SYNE1: variants seen among roughly 807,000 people sequenced by gnomAD.
The protein encoded by SYNE1 is spectrin repeat containing nuclear envelope protein 1, also known as nesprin-1.
SYNE1 carries 616 observed loss-of-function variants against 1,111.0 expected under a neutral mutation model. The ratio of observed to expected loss-of-function variants is 0.55; its 90% CI spans 0.52 to 0.59. The LOEUF (loss-of-function observed/expected upper bound fraction) is 0.59. Among genes scored for constraint, SYNE1 ranks in the 20% least tolerant of loss-of-function variants. The pLI is 0.00. For missense variants in SYNE1, 10,006 were observed against 10,417.0 expected (o/e 0.96, Z 1.72); for synonymous variants, 3,855 against 3,825.8 (o/e 1.01, Z -0.28).
At chr6:152,309,704 T>G (rs2095491032) in intron 90 of SYNE1, 131 bp downstream of exon 90, 4 of 1,223,914 alleles carry the variant, frequency 3.3e-6, no homozygotes, top group Non-Finnish European at 3.5e-6. Context: ...CTCCTTATTT[T>G]ATAAAACCAC....
chr6:152,409,786 T>C (rs1328365565), intron 42 of SYNE1, 77 bp from the exon 43 acceptor site: 1 of 1,466,012 alleles, frequency 6.8e-7, no homozygotes, highest in Non-Finnish European at 9.5e-7. Context: ...TTGGACTTGA[T>C]GTTTCACTAC....
chr6:152,329,162 G>A (rs1009845832), intron 78 of SYNE1, among the ~76,000 whole-genome samples: 1 of 152,142 alleles, frequency 6.6e-6, no homozygotes, highest in African/African-American at 2.4e-5. Context: ...AATCACTGAG[G>A]CATCACTGTT....
intron 21 of SYNE1, among the ~76,000 whole-genome samples, chr6:152,461,223 T>C (rs897722866): frequency 1.3e-5 from 2 of 152,148 alleles, no homozygotes; most frequent in Non-Finnish European, 2.9e-5. Flanking sequence ...GGAGTGGAGA[T>C]ATATCAAACA....
At chr6:152,157,792 T>C (rs1344941189) in intron 131 of SYNE1, among the ~76,000 whole-genome samples, 79 of 150,668 alleles carry the variant, frequency 5.2e-4, no homozygotes, top group Non-Finnish European at 1.2e-4. Context: ...GGAGTCTCAC[T>C]CTGTCGCCCA....
chr6:152,296,742 G>C (rs748462611), intron 93 of SYNE1, among the ~76,000 whole-genome samples: 1 of 152,192 alleles, frequency 6.6e-6, no homozygotes, highest in African/African-American at 2.4e-5. Context: ...ATTCACATTC[G>C]TAGCTTGTTT....
At chr6:152,471,853 T>C in intron 15 of SYNE1, 88 bp from the exon 16 acceptor site, 2 of 1,335,098 alleles carry the variant, frequency 1.5e-6, no homozygotes, top group Non-Finnish European at 2.1e-6. Context: ...CAGCCTTAAA[T>C]AGAATGCAGC....
At chr6:152,198,774 T>C (rs55746901) in intron 127 of SYNE1, among the ~76,000 whole-genome samples, 21,751 of 152,110 alleles carry the variant, frequency 0.14, 3,179 homozygotes, top group African/African-American at 0.38. Flanking sequence ...CTGACTTCTA[T>C]GGGCACAGTG....
At chr6:152,416,049 T>A (rs896300332) in intron 41 of SYNE1, among the ~76,000 whole-genome samples, 1 of 152,146 alleles carries the variant, frequency 6.6e-6, no homozygotes, top group Non-Finnish European at 1.5e-5. Context: ...ATAAGGTTAA[T>A]CCATGTGTTG....
chr6:152,484,946 A>G lies in SYNE1; in HGVS notation c.1074T>C (p.Tyr358=), dbSNP rs1441062525. The change falls in exon 13 of 146, where the codon TAT becomes TAC. Residue 358 remains tyrosine, a synonymous_variant. Coordinates refer to ENST00000367255, the MANE Select transcript of SYNE1 (RefSeq NM_182961.4). The part of the protein sequence containing the change: ...YQSFKHFRVQ[Y]EMKRKQIEHL... ...GTTCAATCTGTTTCCTCTTCATTTC[A>G]TATTGAACTCTGAAGTGCTTAAATG... 3 of 1,612,970 alleles carry G rather than the reference A, an allele frequency of 1.9e-6. No homozygotes were observed. Among genetic ancestry groups the G allele is most frequent in the East Asian group, 4.5e-5 (2 of 44,814 alleles).
rs781378404 is a variant in SYNE1 at position 152,136,666 on chromosome 6, C to T, written c.25611G>A (p.Leu8537=). The T allele has an allele frequency of 2.5e-6, 4 of 1,614,136 alleles. No individual in the cohort carries two copies. The highest frequency in any genetic ancestry group is 3.4e-6 in the Non-Finnish European group (4 of 1,180,020). Residue 8537 remains leucine (L), a synonymous_variant, in exon 141 of 146, where the codon CTG becomes CTA. Coordinates refer to ENST00000367255, the MANE Select transcript of SYNE1 (RefSeq NM_182961.4). The stretch of plus-strand genomic sequence containing the variant: ...GCAGCAGGCCCCGCCACTCCTCCAG[C>T]AGAGAGCACACTCGGTCCCAGCGCC... The part of the protein sequence containing the change: ...MNGRWDRVCS[L]LEEWRGLLQD...
Position 152,336,946 on chromosome 6 carries a change from C to A in SYNE1, c.12423G>T (p.Glu4141Asp). 1 of 1,614,152 alleles carries A rather than the reference C, an allele frequency of 6.2e-7. No individual in the cohort carries two copies. The highest frequency in any genetic ancestry group is 8.5e-7 in the Non-Finnish European group (1 of 1,180,040). ...CAGCATCTTGCAGGTAAATCCAGAG[C>A]TCAGACTTCAGGTGCTTGATCTCTT... ...GWEEIKHLKSELWIYLQDADQ... is the reference protein window; with the variant it reads ...GWEEIKHLKSDLWIYLQDADQ... The change falls in exon 76 of 146, where the codon GAG becomes GAT. Residue 4141 changes from glutamate to aspartate, a missense_variant. Transcript: ENST00000367255.
intron 11 of SYNE1, among the ~76,000 whole-genome samples, chr6:152,498,438 G>A (rs75958509): frequency 1.3e-5 from 2 of 152,098 alleles, no homozygotes; most frequent in Non-Finnish European, 2.9e-5. Context: ...GACACCATAC[G>A]TAGTTACTGT....
rs548426997 is a variant in SYNE1 at position 152,318,007 on chromosome 6, AT to A, written c.16572+73del. 2.5e-3 allele frequency: 4,010 copies of A among 1,573,414 alleles called. 8 individuals are homozygous for A. Among genetic ancestry groups the A allele is most frequent in the Admixed American group, 3.6e-3 (218 of 59,918 alleles). On this transcript the variant is annotated intron_variant, in intron 86 of 145. Coordinates refer to ENST00000367255, the MANE Select transcript of SYNE1 (RefSeq NM_182961.4). ...TTTATCTTTTTATTTATGTTAATTTATTTTCAAAAGAGAAAAGCAGAACATG... is the reference window on the plus strand; with the variant it reads ...TTTATCTTTTTATTTATGTTAATTTATTTCAAAAGAGAAAAGCAGAACATG...
intron 6 of SYNE1, among the ~76,000 whole-genome samples, chr6:152,515,012 G>A (rs1353237217): frequency 1.2e-4 from 18 of 151,960 alleles, no homozygotes; most frequent in African/African-American, 1.7e-4. Context: ...GCTTGAGGTC[G>A]GGAGTTCGAG....
intron 137 of SYNE1, chr6:152,146,765 TAC>T (rs1453027416): frequency 6.6e-6 from 1 of 152,270 alleles, no homozygotes; most frequent in Admixed American, 6.5e-5. Flanking sequence ...TCACCTTCCT[TAC>T]AGAGTTTCTG....
At chr6:152,429,403 C>A (rs1193979798) in intron 36 of SYNE1, among the ~76,000 whole-genome samples, 1 of 152,050 alleles carries the variant, frequency 6.6e-6, no homozygotes, top group Non-Finnish European at 1.5e-5. Flanking sequence ...TAAGAAATTA[C>A]AAATAAGTAA....
intron 53 of SYNE1, 113 bp downstream of exon 53, chr6:152,390,167 C>T: frequency 8.7e-7 from 1 of 1,155,190 alleles, no homozygotes; most frequent in South Asian, 1.3e-5. Flanking sequence ...GGCATGCCTA[C>T]AAGCTACAGT....
chr6:152,426,501 G>A (rs980481211), intron 38 of SYNE1, among the ~76,000 whole-genome samples: 2 of 152,268 alleles, frequency 1.3e-5, no homozygotes, highest in African/African-American at 2.4e-5. Flanking sequence ...GGATGCAGGA[G>A]TAACAGAGTC....
At chr6:152,422,329 T>C (rs957186392) in intron 39 of SYNE1, among the ~76,000 whole-genome samples, 3 of 152,196 alleles carry the variant, frequency 2.0e-5, no homozygotes, top group African/African-American at 7.2e-5. Context: ...GCCCAGCCCA[T>C]TTGCAATGCC....
Sources: allele counts gnomAD v4.1 joint callset (sites outside exome capture counted in the v4.1 genomes callset), GRCh38; gene constraint gnomAD v4.1.1; transcripts MANE v1.5; gene names NCBI Gene and HGNC (gene_info 2026-07-23, HGNC 2026-07-21).